EPHA3: variants seen among roughly 807,000 people sequenced by gnomAD.
The protein encoded by EPHA3 is EPH receptor A3, also known as ephrin type-A receptor 3.
A neutral mutation model predicts 107.1 loss-of-function variants in EPHA3; 42 were observed. The observed-to-expected ratio is 0.39, with a 90% CI of 0.31 to 0.51. The LOEUF (loss-of-function observed/expected upper bound fraction) is 0.51. Among genes scored for constraint, EPHA3 ranks in the 20% least tolerant of loss-of-function variants. The pLI, the probability that EPHA3 is intolerant of heterozygous loss-of-function variation, is 0.78. For missense variants in EPHA3, 1,183 were observed against 1,211.2 expected (o/e 0.98, Z 0.35); for synonymous variants, 461 against 424.8 (o/e 1.09, Z -1.05).
At chr3:89,260,348 T>C (rs1461284090) in intron 3 of EPHA3, among the ~76,000 whole-genome samples, 1 of 152,174 alleles carries the variant, frequency 6.6e-6, no homozygotes, top group African/African-American at 2.4e-5. Context: ...ACATTTATTA[T>C]CTCTTGTTTT....
At chr3:89,171,997 C>G (rs771352581) in intron 2 of EPHA3, among the ~76,000 whole-genome samples, 4 of 152,108 alleles carry the variant, frequency 2.6e-5, no homozygotes, top group African/African-American at 9.7e-5. Context: ...TTCTTCCATT[C>G]GCTTTTGTTT....
intron 2 of EPHA3, among the ~76,000 whole-genome samples, chr3:89,182,106 T>G (rs1399507539): frequency 6.6e-6 from 1 of 151,868 alleles, no homozygotes; most frequent in Non-Finnish European, 1.5e-5. Context: ...CCCTTTATCC[T>G]TCTCTTCTCT....
At chr3:89,432,753 T>G (rs1709593076) in intron 13 of EPHA3, among the ~76,000 whole-genome samples, 1 of 152,110 alleles carries the variant, frequency 6.6e-6, no homozygotes, top group Non-Finnish European at 1.5e-5. Context: ...ACTCCTCTTT[T>G]GGCATAAAGT....
At chr3:89,418,300 G>A (rs1417858016) in intron 10 of EPHA3, among the ~76,000 whole-genome samples, 1 of 151,270 alleles carries the variant, frequency 6.6e-6, no homozygotes, top group Non-Finnish European at 1.5e-5. Flanking sequence ...TGTGAACAAA[G>A]GACATTCTAT....
chr3:89,354,459 C>T (rs568986019), intron 5 of EPHA3, among the ~76,000 whole-genome samples: 44 of 150,632 alleles, frequency 2.9e-4, no homozygotes, highest in African/African-American at 8.0e-4. Flanking sequence ...AATATAGTAC[C>T]AGTGTTCAAA....
chr3:89,376,977 A>G (rs115072060), intron 5 of EPHA3, among the ~76,000 whole-genome samples: 2,405 of 152,214 alleles, frequency 0.016, 65 homozygotes, highest in African/African-American at 0.055. Flanking sequence ...TGACTTTTTA[A>G]GGAACGTGTT....
At chr3:89,292,851 C>A (rs1706247815) in intron 3 of EPHA3, among the ~76,000 whole-genome samples, 1 of 152,166 alleles carries the variant, frequency 6.6e-6, no homozygotes, top group African/African-American at 2.4e-5. Context: ...TGTTTCATTT[C>A]TTTTGGATAA....
At chr3:89,151,017 T>C (rs1215683787) in intron 2 of EPHA3, among the ~76,000 whole-genome samples, 1 of 152,042 alleles carries the variant, frequency 6.6e-6, no homozygotes, top group East Asian at 1.9e-4. Flanking sequence ...ACACCTTTTC[T>C]TATTTACGCT....
At chr3:89,388,741 T>C (rs1185724912) in intron 5 of EPHA3, among the ~76,000 whole-genome samples, 1 of 152,234 alleles carries the variant, frequency 6.6e-6, no homozygotes, top group Admixed American at 6.5e-5. Flanking sequence ...TTCCCAACTC[T>C]TTGTGATCCT....
At chr3:89,140,860 C>G (rs1704415985) in intron 2 of EPHA3, among the ~76,000 whole-genome samples, 1 of 151,676 alleles carries the variant, frequency 6.6e-6, no homozygotes, top group African/African-American at 2.4e-5. Flanking sequence ...GCTTTAGCTC[C>G]TGCTGTGTAC....
intron 3 of EPHA3, among the ~76,000 whole-genome samples, chr3:89,328,520 C>A (rs947759725): frequency 1.3e-5 from 2 of 152,152 alleles, no homozygotes; most frequent in Admixed American, 6.6e-5. Flanking sequence ...TCTTCATAGT[C>A]ACCCTTCCAT....
intron 1 of EPHA3, among the ~76,000 whole-genome samples, chr3:89,121,194 C>T (rs573489715): frequency 2.0e-5 from 3 of 152,148 alleles, no homozygotes; most frequent in South Asian, 4.2e-4. Flanking sequence ...GGAGATCGTG[C>T]CACTGCACTC....
At chr3:89,216,958 G>A (rs1474953772) in intron 3 of EPHA3, among the ~76,000 whole-genome samples, 1 of 152,034 alleles carries the variant, frequency 6.6e-6, no homozygotes, top group African/African-American at 2.4e-5. Context: ...CCCTCCTGAT[G>A]GACTTAGATT....
Position 89,350,689 on chromosome 3 carries a change from C to T in EPHA3, c.1306+8599C>T, listed in dbSNP as rs1269875678. Among the ~76,000 whole-genome samples the T allele has an allele frequency of 7.9e-5, 12 of 150,994 alleles. 1 individual carries two copies. Among genetic ancestry groups the T allele is most frequent in the Admixed American group, 4.0e-4 (6 of 15,074 alleles). Reference sequence around the variant, plus strand: ...CTGCGTTCCTTTGGAGGAGGAGAGGCGCTCTGCGTTTTAGAGTTTCCAGTT... The same window carrying T: ...CTGCGTTCCTTTGGAGGAGGAGAGGTGCTCTGCGTTTTAGAGTTTCCAGTT... On this transcript the variant is annotated intron_variant, in intron 5 of 16. Coordinates refer to ENST00000336596, the MANE Select transcript of EPHA3 (RefSeq NM_005233.6).
chr3:89,429,844 A>G (rs1425204369), intron 12 of EPHA3, among the ~76,000 whole-genome samples: 1 of 152,072 alleles, frequency 6.6e-6, no homozygotes, highest in Admixed American at 6.6e-5. Context: ...GCTCACTGCA[A>G]TCCCCGCCTG....
chr3:89,250,717 T>C (rs1210764148), intron 3 of EPHA3, among the ~76,000 whole-genome samples: 7 of 152,208 alleles, frequency 4.6e-5, no homozygotes, highest in African/African-American at 1.7e-4. Flanking sequence ...TCACTGCCCA[T>C]TAGCAAGATC....
At chr3:89,332,336 G>A (rs1576316576) in intron 3 of EPHA3, among the ~76,000 whole-genome samples, 1 of 152,156 alleles carries the variant, frequency 6.6e-6, no homozygotes, top group Admixed American at 6.5e-5. Context: ...TAAATCTGAT[G>A]CAATAACAAC....
chr3:89,325,997 A>C (rs1037451508), intron 3 of EPHA3, among the ~76,000 whole-genome samples: 3 of 151,308 alleles, frequency 2.0e-5, no homozygotes, highest in Non-Finnish European at 4.4e-5. Context: ...AAGAATACAA[A>C]ATTAAAATAT....
At chr3:89,208,671 T>C (rs1018324060) in intron 2 of EPHA3, among the ~76,000 whole-genome samples, 1 of 151,910 alleles carries the variant, frequency 6.6e-6, no homozygotes, top group African/African-American at 2.4e-5. Context: ...GGACAGAATA[T>C]CCACCACATC....
Sources: gnomAD v4.1 joint callset for allele counts (sites outside exome capture counted in the v4.1 genomes callset) on GRCh38, gnomAD v4.1.1 for gene constraint, MANE v1.5 for transcripts, NCBI Gene and HGNC (gene_info 2026-07-23, HGNC 2026-07-21) for gene names.